The following NELL1 variants were observed in gnomAD, a reference collection of about 807,000 sequenced individuals.
NELL1 encodes the protein protein kinase C-binding protein NELL1.
In NELL1, 76 loss-of-function variants were observed where a neutral mutation model predicts 107.4. The ratio of observed to expected loss-of-function variants is 0.71; its 90% CI spans 0.59 to 0.86. The LOEUF is 0.86. Ranked by LOEUF, NELL1 falls within the 40% of genes least tolerant of loss-of-function variation. NELL1 has a pLI of 0.00. For synonymous variants in NELL1, 353 were observed against 341.2 expected (o/e 1.03, Z -0.38); for missense variants, 1,024 against 1,005.5 (o/e 1.02, Z -0.25).
intron 12 of NELL1, among the ~76,000 whole-genome samples, chr11:20,988,740 G>A (rs916440469): frequency 2.0e-5 from 3 of 151,400 alleles, no homozygotes; most frequent in Admixed American, 6.6e-5. Context: ...ACAGGCGCCC[G>A]CCACCACACC....
intron 15 of NELL1, among the ~76,000 whole-genome samples, chr11:21,431,432 T>C (rs139638530): frequency 1.3e-5 from 2 of 152,324 alleles, no homozygotes; most frequent in African/African-American, 4.8e-5. Flanking sequence ...TGTTCACTAA[T>C]ATTTCCCAAG....
At chr11:21,091,993 A>C (rs756046429) in intron 12 of NELL1, among the ~76,000 whole-genome samples, 5 of 152,208 alleles carry the variant, frequency 3.3e-5, no homozygotes, top group Non-Finnish European at 7.3e-5. Context: ...ATTTTGAAGG[A>C]TGAGAATATA....
chr11:21,546,073 A>C (rs1856433069), intron 16 of NELL1, among the ~76,000 whole-genome samples: 1 of 151,992 alleles, frequency 6.6e-6, no homozygotes, highest in Non-Finnish European at 1.5e-5. Flanking sequence ...CATCTTCTGG[A>C]GGAAATGGAA....
At chr11:20,956,412 C>T (rs765403532) in intron 11 of NELL1, among the ~76,000 whole-genome samples, 16 of 151,930 alleles carry the variant, frequency 1.1e-4, no homozygotes, top group Middle Eastern at 3.4e-3. Context: ...TTTGGGAGGC[C>T]GAGGCGGGTA....
chr11:21,260,045 A>G (rs539263761), intron 14 of NELL1: 8 of 152,024 alleles, frequency 5.3e-5, no homozygotes, highest in African/African-American at 1.9e-4. Context: ...ACCAAATACT[A>G]TTCTAGATGT....
chr11:21,552,333 G>T (rs1428318245), intron 16 of NELL1, among the ~76,000 whole-genome samples: 2 of 151,384 alleles, frequency 1.3e-5, no homozygotes, highest in East Asian at 3.9e-4. Flanking sequence ...TTTAATGAGG[G>T]TTGGTGAATG....
intron 14 of NELL1, among the ~76,000 whole-genome samples, chr11:21,305,647 A>G (rs1355247528): frequency 6.6e-6 from 1 of 151,880 alleles, no homozygotes; most frequent in Non-Finnish European, 1.5e-5. Context: ...TCTAGACAGT[A>G]TAGATTCTAT....
chr11:21,468,659 A>G (rs1305109147), intron 15 of NELL1, among the ~76,000 whole-genome samples: 3 of 152,124 alleles, frequency 2.0e-5, no homozygotes, highest in Non-Finnish European at 4.4e-5. Context: ...ACCTATGACC[A>G]TACCTAAAGG....
intron 2 of NELL1, among the ~76,000 whole-genome samples, chr11:20,702,913 G>A (rs1854834332): frequency 1.3e-5 from 2 of 152,192 alleles, no homozygotes; most frequent in Admixed American, 1.3e-4. Flanking sequence ...TGGTTTGCCA[G>A]CATTTTATTG....
intron 2 of NELL1, among the ~76,000 whole-genome samples, chr11:20,755,618 C>T (rs1856260031): frequency 6.8e-6 from 1 of 148,066 alleles, no homozygotes; most frequent in African/African-American, 2.5e-5. Context: ...TACAGTGGCA[C>T]GATCTCAGCT....
intron 2 of NELL1, among the ~76,000 whole-genome samples, chr11:20,763,229 G>C (rs1390764526): frequency 1.3e-5 from 2 of 152,058 alleles, no homozygotes; most frequent in Admixed American, 6.5e-5. Flanking sequence ...CTCACTGCTG[G>C]GTTGTAAGCT....
intron 14 of NELL1, among the ~76,000 whole-genome samples, chr11:21,270,066 GA>G (rs528506518): frequency 1.5e-4 from 23 of 151,806 alleles, no homozygotes; most frequent in Admixed American, 1.1e-3. Flanking sequence ...GCTATGCTAA[GA>G]AAAAAGAAAA....
chr11:21,223,847 G>T (rs1441548344), intron 13 of NELL1, among the ~76,000 whole-genome samples: 1 of 152,154 alleles, frequency 6.6e-6, no homozygotes, highest in African/African-American at 2.4e-5. Context: ...TCGTAGATCA[G>T]GTCTACTGGT....
At chr11:21,368,799 C>T (rs576945866) in intron 14 of NELL1, among the ~76,000 whole-genome samples, 13 of 152,024 alleles carry the variant, frequency 8.6e-5, no homozygotes, top group South Asian at 8.3e-4. Flanking sequence ...GGTCCGTGTC[C>T]GTGTTTCACA....
chr11:20,964,297 T>C (rs1431199356), intron 12 of NELL1, among the ~76,000 whole-genome samples: 2 of 152,174 alleles, frequency 1.3e-5, no homozygotes, highest in Non-Finnish European at 2.9e-5. Flanking sequence ...ATTTGGAGTC[T>C]ACCTAGATAG....
rs571591012 is a variant in NELL1, at chr11:20,924,766, C to T, written c.760-2542C>T. On this transcript the variant is annotated intron_variant, in intron 7 of 19. Coordinates refer to ENST00000357134, the MANE Select transcript of NELL1 (RefSeq NM_006157.5). ...GCAGATCTGGTTCAACTCTGTTGTT[C>T]AATCCAAGGTCATATATCTGTTACT... Among the ~76,000 whole-genome samples the T allele has an allele frequency of 1.7e-4, 26 of 152,230 alleles. No individual in the cohort carries two copies. In the East Asian group the frequency reaches 4.6e-3, roughly 27 times the overall value.
intron 5 of NELL1, 123 bp downstream of exon 5, chr11:20,885,663 T>C: frequency 3.1e-6 from 2 of 651,410 alleles, no homozygotes; most frequent in Non-Finnish European, 5.5e-6. Flanking sequence ...TAGCTACTAA[T>C]GTTTATTGAA....
At chr11:21,548,619 T>G (rs543816575) in intron 16 of NELL1, among the ~76,000 whole-genome samples, 1 of 151,748 alleles carries the variant, frequency 6.6e-6, no homozygotes, top group East Asian at 2.0e-4. Context: ...CCACAACATG[T>G]GGGAATTATG....
intron 14 of NELL1, chr11:21,283,765 T>C (rs1849048631): frequency 5.4e-6 from 1 of 186,746 alleles, no homozygotes; most frequent in African/African-American, 2.4e-5. Context: ...ATTGAATAGA[T>C]CTCAACTTCA....
Sources: gnomAD v4.1 joint callset for allele counts (sites outside exome capture counted in the v4.1 genomes callset) on GRCh38, gnomAD v4.1.1 for gene constraint, MANE v1.5 for transcripts, NCBI Gene and HGNC (gene_info 2026-07-23, HGNC 2026-07-21) for gene names.